Variants in TEX9 observed in about 807,000 individuals in gnomAD.
TEX9 encodes testis-expressed protein 9.
In TEX9, 74 loss-of-function variants were observed where a neutral mutation model predicts 59.6. The observed-to-expected ratio is 1.24, with a 90% CI of 1.03 to 1.51. The LOEUF (loss-of-function observed/expected upper bound fraction) is 1.51, where lower values mean the gene tolerates loss of function less well. Ranked by LOEUF, TEX9 falls within the 40% of genes most tolerant of loss-of-function variation. The probability of loss-of-function intolerance (pLI) is 0.00; values close to 1 mark genes in which losing one functional copy is unlikely to be tolerated. For missense variants in TEX9, 522 were observed against 447.8 expected (o/e 1.17, Z -1.49); for synonymous variants, 186 against 152.2 (o/e 1.22, Z -1.64).
At chr15:56,265,555 G>A (rs1365311168) in intron 1 of TEX9, among the ~76,000 whole-genome samples, 1 of 151,886 alleles carries the variant, frequency 6.6e-6, no homozygotes, top group Non-Finnish European at 1.5e-5. Flanking sequence ...TTGATATGAT[G>A]TTTTTTCATG....
At chr15:56,394,106 C>A in intron 7 of TEX9, 59 bp from the exon 8 acceptor site, 4 of 1,469,618 alleles carry the variant, frequency 2.7e-6, no homozygotes, top group African/African-American at 1.4e-5. Context: ...GTCTGTCTTA[C>A]AATTGATGTC....
chr15:56,295,571 T>A (rs933202833), intron 1 of TEX9, among the ~76,000 whole-genome samples: 4 of 152,234 alleles, frequency 2.6e-5, no homozygotes, highest in Non-Finnish European at 5.9e-5. Flanking sequence ...CCACCTGATA[T>A]TTAGTCTCAC....
chr15:56,275,138 A>G (rs1022693396), intron 1 of TEX9, among the ~76,000 whole-genome samples: 6 of 152,104 alleles, frequency 3.9e-5, no homozygotes, highest in African/African-American at 1.4e-4. Context: ...AGTACTAGCA[A>G]AAAATTTCTA....
At chr15:56,319,076 A>G (rs1318003004) in intron 1 of TEX9, among the ~76,000 whole-genome samples, 2 of 152,028 alleles carry the variant, frequency 1.3e-5, no homozygotes, top group Non-Finnish European at 2.9e-5. Context: ...AAATCCCACC[A>G]GTATTGTTCA....
chr15:56,427,992 C>T (rs1382098886), intron 11 of TEX9, among the ~76,000 whole-genome samples: 2 of 152,016 alleles, frequency 1.3e-5, no homozygotes, highest in Admixed American at 6.6e-5. Context: ...AGGTACTTCT[C>T]AACTACAGAA....
upstream of TEX9, among the ~76,000 whole-genome samples, chr15:56,361,013 C>T (rs187826412): frequency 1.8e-3 from 273 of 152,286 alleles, 1 homozygote; most frequent in African/African-American, 6.3e-3. Context: ...GCATGGCATG[C>T]GTCCTATTTC....
In TEX9 at chr15:56,278,000, C is replaced by T. The variant is rs192181347; in HGVS notation, c.-107+33722C>T. 2.1e-3 allele frequency among the ~76,000 whole-genome samples: 315 copies of T among 152,100 alleles called. 2 individuals carry two copies. Among genetic ancestry groups the T allele is most frequent in the African/African-American group, 6.5e-3 (269 of 41,508 alleles). On this transcript the variant is annotated intron_variant, in intron 1 of 5. Coordinates refer to the TEX9 transcript ENST00000560827. ...TCCCTTTTTATTTCTTTGGTTTCCCCTTTCCACGAAGCTTCTTTAGTCGTT... is the reference window on the plus strand; with the variant it reads ...TCCCTTTTTATTTCTTTGGTTTCCCTTTTCCACGAAGCTTCTTTAGTCGTT...
At chr15:56,261,390 C>T (rs1283133749) in intron 1 of TEX9, among the ~76,000 whole-genome samples, 1 of 151,662 alleles carries the variant, frequency 6.6e-6, no homozygotes, top group African/African-American at 2.4e-5. Flanking sequence ...TCAGAGAGAA[C>T]CCACACAGTA....
chr15:56,459,990 C>CAAAAAAAAAAAAAAAAAAAAA, the TEX9 span, among the ~76,000 whole-genome samples: 1 of 11,114 alleles, frequency 9.0e-5, no homozygotes, highest in Non-Finnish European at 1.6e-4. Flanking sequence ...AATTCTGTCT[C>CAAAAAAAAAAAAAAAAAAAAA]AAAAAAAAAA....
intron 4 of TEX9, among the ~76,000 whole-genome samples, chr15:56,387,850 T>C (rs1596160574): frequency 6.6e-6 from 1 of 152,088 alleles, no homozygotes; most frequent in Admixed American, 6.6e-5. Flanking sequence ...CTGTGGGCCA[T>C]AGTTTGCAGA....
chr15:56,365,905 GTTTAA>G (rs2046920490), intron 2 of TEX9: 5 of 1,353,728 alleles, frequency 3.7e-6, no homozygotes, highest in Non-Finnish European at 4.7e-6. Flanking sequence ...TAAGCATGTT[GTTTAA>G]TTTAAAACGT....
chr15:56,340,804 G>A (rs1180346659), intron 1 of TEX9, among the ~76,000 whole-genome samples: 2 of 152,142 alleles, frequency 1.3e-5, no homozygotes, highest in Non-Finnish European at 2.9e-5. Context: ...GCCAAGACAG[G>A]AGTGGGTGAC....
At chr15:56,268,492 A>C (rs1261307738) in intron 1 of TEX9, among the ~76,000 whole-genome samples, 1 of 152,208 alleles carries the variant, frequency 6.6e-6, no homozygotes, top group Non-Finnish European at 1.5e-5. Context: ...ATTTTGAGAT[A>C]CGTCCCATCA....
chr15:56,338,287 T>C (rs1316642325), intron 1 of TEX9, among the ~76,000 whole-genome samples: 1 of 152,170 alleles, frequency 6.6e-6, no homozygotes, highest in East Asian at 1.9e-4. Flanking sequence ...TTTGGAAAAA[T>C]AGTACCATTC....
intron 2 of TEX9, among the ~76,000 whole-genome samples, chr15:56,371,317 T>G (rs1483625561): frequency 4.6e-5 from 7 of 152,226 alleles, no homozygotes; most frequent in African/African-American, 1.7e-4. Context: ...CCCATTATGC[T>G]GTTCAACATA....
intron 9 of TEX9, among the ~76,000 whole-genome samples, chr15:56,407,743 A>G (rs1269695417): frequency 3.9e-5 from 6 of 152,144 alleles, no homozygotes; most frequent in South Asian, 2.1e-4. Context: ...CAACTTTCCA[A>G]CACCCCTTCC....
At chr15:56,437,492 A>G (rs2050747147) in intron 12 of TEX9, among the ~76,000 whole-genome samples, 1 of 152,180 alleles carries the variant, frequency 6.6e-6, no homozygotes. Flanking sequence ...ATTTATGACA[A>G]ACCCACAGCC....
intron 1 of TEX9, among the ~76,000 whole-genome samples, chr15:56,326,919 A>C (rs1267597596): frequency 1.3e-5 from 2 of 152,190 alleles, no homozygotes; most frequent in East Asian, 3.8e-4. Flanking sequence ...TGATAATTGT[A>C]ATTATTCATT....
intron 10 of TEX9, 80 bp from the exon 11 acceptor site, chr15:56,427,525 A>T: frequency 1.0e-6 from 1 of 966,070 alleles, no homozygotes; most frequent in Non-Finnish European, 1.4e-6. Flanking sequence ...ACTTTTTATT[A>T]CTGTTGTGAT....
Sources: allele counts gnomAD v4.1 joint callset (sites outside exome capture counted in the v4.1 genomes callset), GRCh38; gene constraint gnomAD v4.1.1; transcripts MANE v1.5; gene names NCBI Gene and HGNC (gene_info 2026-07-23, HGNC 2026-07-21).